The following CNTNAP1 variants were observed in gnomAD, a reference collection of about 807,000 sequenced individuals.
CNTNAP1 encodes contactin associated protein 1, also known as contactin-associated protein 1.
CNTNAP1 carries 80 observed loss-of-function variants against 161.5 expected under a neutral mutation model. The observed-to-expected ratio is 0.50, with a 90% CI of 0.41 to 0.60. The LOEUF is 0.60. Among genes scored for constraint, CNTNAP1 ranks in the 20% least tolerant of loss-of-function variants. CNTNAP1 has a pLI of 0.00. For synonymous variants in CNTNAP1, 695 were observed against 733.1 expected, an observed-to-expected ratio of 0.95 and a Z score of 0.84; for missense variants, 1,464 against 1,854.8, an observed-to-expected ratio of 0.79 and a Z score of 3.87.
In CNTNAP1 at chr17:42,691,581, G is replaced by C; in HGVS notation, c.2344+70G>C. The stretch of plus-strand genomic sequence containing the variant: ...CCAGTTTCCAAAATCTAGGCCGCAT[G>C]TCACTGGTGGTCTCTAGCTGGGGTG... On this transcript the variant is annotated intron_variant, in intron 15 of 23. Coordinates refer to ENST00000264638, the MANE Select transcript of CNTNAP1 (RefSeq NM_003632.3). The surrounding 1 kb of genome is among the most constrained non-coding windows in gnomAD (Gnocchi z 4.3). 6.3e-7 allele frequency: 1 copy of C among 1,591,588 alleles called. No individual in the cohort carries two copies. Among genetic ancestry groups the C allele is most frequent in the African/African-American group, 1.3e-5 (1 of 74,484 alleles).
At chr17:42,683,344 C>T in intron 1 of CNTNAP1, 1 of 1,081,334 alleles carries the variant, frequency 9.2e-7, no homozygotes, top group Non-Finnish European at 1.1e-6. Context: ...AGCTGGTGCC[C>T]CTGACTGATG....
chr17:42,693,194 C>T lies in CNTNAP1; in HGVS notation c.2753-103C>T, dbSNP rs560467975. The T allele has an allele frequency of 3.9e-5, 53 of 1,349,626 alleles. 1 individual carries two copies. In the South Asian group the frequency reaches 5.4e-4, roughly 14 times the overall value. 83.6% of individuals were successfully genotyped at this position (1,349,626 alleles called of 1,614,324 possible). A position where few individuals can be genotyped will look rare whatever the true frequency, so the allele number is the denominator to read the frequency against. ...CAGGATGGTCTCGATCTCCTGAGCT[C>T]GTGATTCGCCCGCCTCGGCCTCCCA... On this transcript the variant is annotated intron_variant, in intron 17 of 23. Coordinates refer to ENST00000264638, the MANE Select transcript of CNTNAP1 (RefSeq NM_003632.3).
intron 22 of CNTNAP1, 22 bp from the exon 23 acceptor site, chr17:42,697,881 A>G: frequency 6.2e-7 from 1 of 1,614,170 alleles, no homozygotes; most frequent in Non-Finnish European, 8.5e-7. Flanking sequence ...GCATCTCCTA[A>G]CTGGTGCTTT....
In CNTNAP1 at chr17:42,689,552, C is replaced by G. The variant is rs377444768; in HGVS notation, c.1660C>G (p.Arg554Gly). ...CSPNMCEHDG[R>G]CYQSWDDFIC... ...CCCTAACATGTGTGAGCATGATGGA[C>G]GCTGCTACCAGTCTTGGGATGACTT... The change falls in exon 11 of 24, where the codon CGC (arginine) becomes GGC (glycine). Residue 554 changes from arginine to glycine, a missense_variant. Arg to Gly is a moderately radical substitution (Grantham distance 125). Around this residue, in one of 3 missense-constraint regions of CNTNAP1, gnomAD observed 1,383 missense variants for 1,765.0 expected, o/e 0.78. Coordinates refer to ENST00000264638, the MANE Select transcript of CNTNAP1 (RefSeq NM_003632.3). 1 of 1,613,582 alleles carries G rather than the reference C, an allele frequency of 6.2e-7. No homozygotes were observed. The highest frequency in any genetic ancestry group is 1.3e-5 in the African/African-American group (1 of 74,846).
intron 12 of CNTNAP1, 62 bp from the exon 13 acceptor site, chr17:42,690,677 G>A: frequency 6.5e-7 from 1 of 1,537,672 alleles, no homozygotes; most frequent in South Asian, 1.2e-5. Flanking sequence ...GTGGAGGTGG[G>A]CAGGGAGATG....
chr17:42,692,480 C>T lies in CNTNAP1; in HGVS notation c.2531-19C>T, dbSNP rs1238926369. ...AGGTCTGAGTCCTTTTCTCCCCTAC[C>T]CTGCATCACACTGTCCAGCATCCCG... On this transcript the variant is annotated intron_variant, in intron 16 of 23. Coordinates refer to ENST00000264638, the MANE Select transcript of CNTNAP1 (RefSeq NM_003632.3). The T allele has an allele frequency of 1.2e-6, 2 of 1,605,610 alleles. No individual in the cohort carries two copies. Among genetic ancestry groups the T allele is most frequent in the South Asian group, 2.2e-5 (2 of 90,568 alleles).
chr17:42,697,213 C>T, intron 20 of CNTNAP1, 61 bp from the exon 21 acceptor site: 1 of 1,157,268 alleles, frequency 8.6e-7, no homozygotes, highest in Middle Eastern at 2.0e-4. Context: ...GTCCAGCCCA[C>T]AGGCATCTGC....
rs1378367385 is a variant in CNTNAP1, at chr17:42,691,448, G to A, written c.2281G>A (p.Asp761Asn). 6.2e-7 allele frequency: 1 copy of A among 1,613,942 alleles called. No individual in the cohort carries two copies. The highest frequency in any genetic ancestry group is 1.3e-5 in the African/African-American group (1 of 74,850). Residue 761 changes from aspartate to asparagine, a missense_variant, in exon 15 of 24, where the codon GAT becomes AAT. Physicochemically the swap from Asp to Asn is conservative, Grantham distance 23. Around this residue, in one of 3 missense-constraint regions of CNTNAP1, gnomAD observed 1,383 missense variants for 1,765.0 expected, o/e 0.78. Transcript: ENST00000264638. This position sits in a 1 kb window ranked among gnomAD's most constrained non-coding sequence, Gnocchi z 4.3. ...GCCTGTCACTCAGGTAGTGATAGGG[G>A]ATACGAACCGCTCCACTTCTGAGGC... ...HLPVTQVVIG[D>N]TNRSTSEAQF...
chr17:42,687,921 G>C lies in CNTNAP1; in HGVS notation c.1246G>C (p.Glu416Gln). The change falls in exon 8 of 24, where the codon GAA becomes CAA. Residue 416 changes from glutamate to glutamine, a missense_variant. Transcript: ENST00000264638. The surrounding 1 kb of genome is among the most constrained non-coding windows in gnomAD (Gnocchi z 4.7). ...GGGCCACGTGGAGCTGACGCTCAGC[G>C]AAGGGCAGGTCAACGTGTCCATCGC... is the stretch of plus-strand genomic sequence containing the variant. ...GLGHVELTLSEGQVNVSIAQS... is the reference protein window; with the variant it reads ...GLGHVELTLSQGQVNVSIAQS... 1 of 1,614,222 alleles carries C rather than the reference G, an allele frequency of 6.2e-7. No individual in the cohort carries two copies. The highest frequency in any genetic ancestry group is 8.5e-7 in the Non-Finnish European group (1 of 1,180,058).
rs745575897 is a variant in CNTNAP1 at position 42,691,116 on chromosome 17, C to G, written c.2060-21C>G. On this transcript the variant is annotated intron_variant, in intron 13 of 23. Coordinates refer to ENST00000264638, the MANE Select transcript of CNTNAP1 (RefSeq NM_003632.3). This position sits in a 1 kb window ranked among gnomAD's most constrained non-coding sequence, Gnocchi z 4.3. ...CTAATGGAGGGACAGGGCCTGGAAGCTGCCTGCACCTCTTCCCCAGGAGGC... is the reference window on the plus strand; with the variant it reads ...CTAATGGAGGGACAGGGCCTGGAAGGTGCCTGCACCTCTTCCCCAGGAGGC... 6.2e-7 allele frequency: 1 copy of G among 1,611,842 alleles called. No homozygotes were observed. Among genetic ancestry groups the G allele is most frequent in the South Asian group, 1.1e-5 (1 of 90,744 alleles).
chr17:42,684,315 G>A (rs2052977535), intron 3 of CNTNAP1, 86 bp downstream of exon 3: 11 of 1,345,202 alleles, frequency 8.2e-6, no homozygotes, highest in Non-Finnish European at 1.1e-5. Flanking sequence ...GGAAAATGGA[G>A]GGGGTGGTGG....
intron 23 of CNTNAP1, 69 bp from the exon 24 acceptor site, chr17:42,698,549 G>A: frequency 7.9e-7 from 1 of 1,260,454 alleles, no homozygotes. Flanking sequence ...GTGTGTGTGT[G>A]TGTGTGTGTG....
rs2053117871 is a variant in CNTNAP1 at position 42,693,497 on chromosome 17, T to C, written c.2953T>C (p.Cys985Arg). The change falls in exon 18 of 24, where the codon TGT (cysteine) becomes CGT (arginine). Residue 985 changes from cysteine to arginine, a missense_variant. By Grantham distance (180) the Cys-to-Arg change is radical (BLOSUM62 -3). Transcript: ENST00000264638. ...GCGCTATAGCTACTACACGTGTGACTGTGACCTCACGGCTTTTGATGGGCC... is the reference window on the plus strand; with the variant it reads ...GCGCTATAGCTACTACACGTGTGACCGTGACCTCACGGCTTTTGATGGGCC... ...VERYSYYTCD[C>R]DLTAFDGPYC... 1 of 1,614,070 alleles carries C rather than the reference T, an allele frequency of 6.2e-7. No homozygotes were observed. The highest frequency in any genetic ancestry group is 8.5e-7 in the Non-Finnish European group (1 of 1,180,008).
At chr17:42,697,117 CACCCAGCTG>C (rs1414613838) in intron 20 of CNTNAP1, among the ~76,000 whole-genome samples, 148 bp from the exon 21 acceptor site, 1 of 152,192 alleles carries the variant, frequency 6.6e-6, no homozygotes, top group Non-Finnish European at 1.5e-5. Flanking sequence ...AGCTAGGACT[CACCCAGCTG>C]GCACCGCCAG....
chr17:42,696,768 T>C (rs1328250470), intron 20 of CNTNAP1, among the ~76,000 whole-genome samples: 1 of 152,082 alleles, frequency 6.6e-6, no homozygotes. Flanking sequence ...ATCGTGCCAC[T>C]GCACTCCAGG....
intron 16 of CNTNAP1, 58 bp downstream of exon 16, chr17:42,692,049 C>A: frequency 6.4e-7 from 1 of 1,565,278 alleles, no homozygotes; most frequent in African/African-American, 1.4e-5. Flanking sequence ...TCTGGGGAGA[C>A]AGGGGTAGGC....
chr17:42,691,776 G>T lies in CNTNAP1; in HGVS notation c.2345-30G>T. On this transcript the variant is annotated intron_variant, in intron 15 of 23. Transcript: ENST00000264638. This position sits in a 1 kb window ranked among gnomAD's most constrained non-coding sequence, Gnocchi z 4.3. ...TCCTCCTCCACCCTCCAATCTCCCT[G>T]ACAAGACCTTCCTCCATCTGCTTTT... 1 of 1,609,888 alleles carries T rather than the reference G, an allele frequency of 6.2e-7. No homozygotes were observed. Among genetic ancestry groups the T allele is most frequent in the South Asian group, 1.1e-5 (1 of 90,884 alleles).
In CNTNAP1 at chr17:42,695,805, G is replaced by A. The variant is rs1290176252; in HGVS notation, c.3277G>A (p.Ala1093Thr). The A allele has an allele frequency of 4.3e-6, 7 of 1,614,178 alleles. No individual in the cohort carries two copies. Among genetic ancestry groups the A allele is most frequent in the South Asian group, 2.2e-5 (2 of 91,086 alleles). ...CTCCTTCAGCTTCAGCACCAGCTCC[G>A]CCCCTGCTGTCCTGCTCTACGTCAG... The part of the protein sequence containing the change: ...EVSFSFSTSS[A>T]PAVLLYVSSF... Residue 1093 changes from alanine to threonine, a missense_variant, in exon 19 of 24, where the codon GCC becomes ACC. Coordinates refer to ENST00000264638, the MANE Select transcript of CNTNAP1 (RefSeq NM_003632.3).
In CNTNAP1 at chr17:42,691,357, C is replaced by T. The variant is rs750864200; in HGVS notation, c.2217-27C>T. The T allele has an allele frequency of 3.7e-6, 6 of 1,613,952 alleles. No individual in the cohort carries two copies. In the East Asian group the frequency reaches 1.3e-4, roughly 36 times the overall value. Reference sequence around the variant, plus strand: ...AGTGGGAGGAGCTGAGTGGCTGGGGCTGAGCCATGACATCCTGCCCCCACA... The same window carrying T: ...AGTGGGAGGAGCTGAGTGGCTGGGGTTGAGCCATGACATCCTGCCCCCACA... On this transcript the variant is annotated intron_variant, in intron 14 of 23. Transcript: ENST00000264638. The surrounding 1 kb of genome is among the most constrained non-coding windows in gnomAD (Gnocchi z 4.3).
Sources: gnomAD v4.1 joint callset for allele counts (sites outside exome capture counted in the v4.1 genomes callset) on GRCh38, gnomAD v4.1.1 for gene constraint, gnomAD v4.1.1 regional missense constraint, Gnocchi (gnomAD v3.1) non-coding constraint, MANE v1.5 for transcripts, NCBI Gene and HGNC (gene_info 2026-07-23, HGNC 2026-07-21) for gene names.